BCKDHB: variants seen among roughly 807,000 people sequenced by gnomAD.
The protein encoded by BCKDHB is branched chain keto acid dehydrogenase E1 subunit beta, also known as 2-oxoisovalerate dehydrogenase subunit beta, mitochondrial.
BCKDHB carries 41 observed loss-of-function variants against 48.5 expected under a neutral mutation model. The observed-to-expected ratio is 0.85, with a 90% CI of 0.66 to 1.10. The LOEUF is 1.10. BCKDHB is among the 50% of genes least tolerant of loss of function. The probability of loss-of-function intolerance (pLI) is 0.00; values close to 1 mark genes in which losing one functional copy is unlikely to be tolerated. For missense variants in BCKDHB, 496 were observed against 494.2 expected (o/e 1.00, Z -0.03); for synonymous variants, 201 against 174.8 (o/e 1.15, Z -1.18).
intron 6 of BCKDHB, among the ~76,000 whole-genome samples, chr6:80,172,185 G>C (rs887085887): frequency 2.6e-5 from 4 of 151,992 alleles, no homozygotes; most frequent in South Asian, 2.1e-4. Flanking sequence ...GTTTTTGCTT[G>C]TATCAGTAGT....
At chr6:80,129,074 T>A (rs1325489923) in intron 2 of BCKDHB, 87 bp from the exon 3 acceptor site, 3 of 1,033,264 alleles carry the variant, frequency 2.9e-6, no homozygotes, top group Non-Finnish European at 4.4e-6. Flanking sequence ...TGATTTAAAA[T>A]GTAAACATTT....
intron 1 of BCKDHB, among the ~76,000 whole-genome samples, chr6:80,119,748 G>A (rs1188695873): frequency 6.6e-6 from 1 of 152,060 alleles, no homozygotes; most frequent in Non-Finnish European, 1.5e-5. Context: ...GGCAGATATA[G>A]CTTTACAAAA....
At chr6:80,429,665 C>T in the BCKDHB span, among the ~76,000 whole-genome samples, 1 of 152,092 alleles carries the variant, frequency 6.6e-6, no homozygotes, top group Non-Finnish European at 1.5e-5. Context: ...CATGATTTGG[C>T]TCTGTTTGTC....
intron 8 of BCKDHB, among the ~76,000 whole-genome samples, chr6:80,243,338 A>T (rs1776471680): frequency 6.6e-6 from 1 of 152,152 alleles, no homozygotes; most frequent in Admixed American, 6.5e-5. Context: ...AGAGGGAAGG[A>T]GTGGGGAGCC....
At chr6:80,442,831 G>A in the BCKDHB span, among the ~76,000 whole-genome samples, 1 of 152,088 alleles carries the variant, frequency 6.6e-6, no homozygotes, top group Non-Finnish European at 1.5e-5. Flanking sequence ...TCAATTGAGT[G>A]GTAGATCCAT....
the BCKDHB span, among the ~76,000 whole-genome samples, chr6:80,385,170 G>A: frequency 6.6e-6 from 1 of 152,216 alleles, no homozygotes; most frequent in African/African-American, 2.4e-5. Flanking sequence ...ATGAAAGAAA[G>A]TGATGAACTC....
chr6:80,168,925 C>T lies in BCKDHB; in HGVS notation c.528C>T (p.Asn176=). Residue 176 remains asparagine, a synonymous_variant, in exon 5 of 10, where the codon AAC becomes AAT. Coordinates refer to ENST00000320393, the MANE Select transcript of BCKDHB (RefSeq NM_183050.4). ...GCTATCGCTCTGGGGATCTTTTTAA[C>T]TGTGGAAGCCTCACTATCCGGTCCC... is the stretch of plus-strand genomic sequence containing the variant. ...KYRYRSGDLF[N]CGSLTIRSPW... The T allele has an allele frequency of 6.2e-7, 1 of 1,614,124 alleles. No individual in the cohort carries two copies. The highest frequency in any genetic ancestry group is 8.5e-7 in the Non-Finnish European group (1 of 1,179,982).
At chr6:80,261,810 G>A (rs901500217) in intron 8 of BCKDHB, among the ~76,000 whole-genome samples, 13 of 152,176 alleles carry the variant, frequency 8.5e-5, no homozygotes, top group African/African-American at 3.1e-4. Context: ...TTAGAGACCT[G>A]CTTTTCTTTT....
chr6:80,402,204 T>A, the BCKDHB span, among the ~76,000 whole-genome samples: 1 of 151,746 alleles, frequency 6.6e-6, no homozygotes, highest in Non-Finnish European at 1.5e-5. Context: ...CTTTTTTGCA[T>A]GATGCTTATA....
At chr6:80,358,970 T>C in the BCKDHB span, among the ~76,000 whole-genome samples, 1 of 152,148 alleles carries the variant, frequency 6.6e-6, no homozygotes, top group African/African-American at 2.4e-5. Flanking sequence ...AGGCAGCAAA[T>C]CAATCACTCT....
the BCKDHB span, among the ~76,000 whole-genome samples, chr6:80,404,268 C>T: frequency 6.6e-6 from 1 of 151,682 alleles, no homozygotes; most frequent in Non-Finnish European, 1.5e-5. Context: ...GTTATTGGTC[C>T]ATTCAGGTTT....
At chr6:80,215,772 T>A (rs1376737298) in intron 8 of BCKDHB, among the ~76,000 whole-genome samples, 2 of 152,116 alleles carry the variant, frequency 1.3e-5, no homozygotes, top group Non-Finnish European at 2.9e-5. Context: ...TGAGACGGAG[T>A]CTCGCCGTGC....
At chr6:80,389,620 G>T in the BCKDHB span, among the ~76,000 whole-genome samples, 1 of 152,158 alleles carries the variant, frequency 6.6e-6, no homozygotes, top group African/African-American at 2.4e-5. Flanking sequence ...CTCACTTTAT[G>T]GCTAAAGAAG....
chr6:80,369,383 G>T, the BCKDHB span, among the ~76,000 whole-genome samples: 146,361 of 152,282 alleles, frequency 0.96, 70,611 homozygotes, highest in Middle Eastern at 1. Context: ...GTTTAGACTG[G>T]AACCCAGAAG....
the BCKDHB span, among the ~76,000 whole-genome samples, chr6:80,446,071 T>C: frequency 2.0e-5 from 3 of 152,230 alleles, no homozygotes; most frequent in African/African-American, 4.8e-5. Context: ...AAATGGATTA[T>C]GTAAAATTTC....
At chr6:80,232,387 T>C (rs1395579294) in intron 8 of BCKDHB, among the ~76,000 whole-genome samples, 1 of 152,032 alleles carries the variant, frequency 6.6e-6, no homozygotes, top group Non-Finnish European at 1.5e-5. Flanking sequence ...TTCTTTACAA[T>C]TAATAAACTA....
At chr6:80,270,312 A>AT (rs1192860516) in intron 8 of BCKDHB, among the ~76,000 whole-genome samples, 1 of 151,892 alleles carries the variant, frequency 6.6e-6, no homozygotes, top group Non-Finnish European at 1.5e-5. Context: ...ATTGGCAATG[A>AT]TTTTTAAGAA....
the BCKDHB span, among the ~76,000 whole-genome samples, chr6:80,414,082 G>A: frequency 6.6e-6 from 1 of 151,908 alleles, no homozygotes; most frequent in Admixed American, 6.6e-5. Context: ...ATGATCATTG[G>A]CCACATGTAT....
chr6:80,366,762 T>C, the BCKDHB span, among the ~76,000 whole-genome samples: 1 of 152,154 alleles, frequency 6.6e-6, no homozygotes, highest in Non-Finnish European at 1.5e-5. Context: ...ATATTCTTTT[T>C]TCACTCCTTA....
Sources: allele counts gnomAD v4.1 joint callset (sites outside exome capture counted in the v4.1 genomes callset), GRCh38; gene constraint gnomAD v4.1.1; transcripts MANE v1.5; gene names NCBI Gene and HGNC (gene_info 2026-07-23, HGNC 2026-07-21).